The following CACNB2 variants were observed in gnomAD, a reference collection of about 807,000 sequenced individuals.
CACNB2 encodes voltage-dependent L-type calcium channel subunit beta-2.
In CACNB2, 42 loss-of-function variants were observed where a neutral mutation model predicts 73.3. The ratio of observed to expected loss-of-function variants is 0.57; its 90% CI spans 0.45 to 0.74. The LOEUF is 0.74. Among genes scored for constraint, CACNB2 ranks in the 30% least tolerant of loss-of-function variants. CACNB2 has a pLI of 0.00. For missense variants in CACNB2, 940 were observed against 853.0 expected, an observed-to-expected ratio of 1.10 and a Z score of -1.27; for synonymous variants, 348 against 310.3, an observed-to-expected ratio of 1.12 and a Z score of -1.28.
At chr10:18,376,188 A>G (rs1488393257) in intron 2 of CACNB2, among the ~76,000 whole-genome samples, 2 of 152,222 alleles carry the variant, frequency 1.3e-5, no homozygotes, top group African/African-American at 4.8e-5. Flanking sequence ...TGTCCTTTGC[A>G]GCAATATGGA....
rs926112057 is a variant in CACNB2, at chr10:18,430,460, TA to T, written c.333+28429del. ...CACTACATAGGGAGACCCTGTCTCT[TA>T]AAAAAAAAAAATTAATTAATTAACT... is the stretch of plus-strand genomic sequence containing the variant. On this transcript the variant is annotated intron_variant, in intron 3 of 13. Coordinates refer to ENST00000324631, the MANE Select transcript of CACNB2 (RefSeq NM_201596.3). 2.2e-3 allele frequency among the ~76,000 whole-genome samples: 320 copies of T among 147,058 alleles called. 2 individuals are homozygous for T. Among genetic ancestry groups the T allele is most frequent in the Middle Eastern group, 0.011 (3 of 278 alleles).
intron 2 of CACNB2, among the ~76,000 whole-genome samples, chr10:18,398,714 C>CACAA (rs1219813051): frequency 1.1e-4 from 17 of 149,010 alleles, no homozygotes; most frequent in Non-Finnish European, 2.1e-4. Flanking sequence ...CACACACACA[C>CACAA]AATTGTTTTT....
chr10:18,449,212 G>A (rs994804082), intron 3 of CACNB2, among the ~76,000 whole-genome samples: 37 of 151,980 alleles, frequency 2.4e-4, no homozygotes, highest in African/African-American at 8.5e-4. Context: ...GTGAAACCCC[G>A]TCTCTACTAA....
intron 2 of CACNB2, among the ~76,000 whole-genome samples, chr10:18,154,681 T>C (rs1257502791): frequency 6.6e-6 from 1 of 152,182 alleles, no homozygotes; most frequent in Non-Finnish European, 1.5e-5. Flanking sequence ...TTGGCCAGGC[T>C]GGTCTCAAAC....
At chr10:18,178,955 G>T (rs566884686) in intron 2 of CACNB2, among the ~76,000 whole-genome samples, 2 of 152,170 alleles carry the variant, frequency 1.3e-5, no homozygotes, top group Non-Finnish European at 2.9e-5. Context: ...TAGAGCAGAA[G>T]TTGGGTCTAT....
intron 3 of CACNB2, among the ~76,000 whole-genome samples, chr10:18,490,834 A>T (rs887179767): frequency 8.1e-6 from 1 of 123,494 alleles, no homozygotes; most frequent in Non-Finnish European, 1.6e-5. Context: ...CCTTTCTGAT[A>T]AACCCGGGCC....
intron 2 of CACNB2, among the ~76,000 whole-genome samples, chr10:18,263,893 T>C (rs1488571369): frequency 6.6e-6 from 1 of 152,254 alleles, no homozygotes; most frequent in Non-Finnish European, 1.5e-5. Context: ...GACATTATTA[T>C]TGATGTTCAA....
At position 18,523,115 on chromosome 10, in the gene CACNB2, C is replaced by T. The variant is rs191938438; in HGVS notation, c.944+4147C>T. On this transcript the variant is annotated intron_variant, in intron 9 of 13. Coordinates refer to ENST00000324631, the MANE Select transcript of CACNB2 (RefSeq NM_201596.3). ...TTTAGCTTGGACCAAGGCTACTAGG[C>T]ACTGGCCAAGTATAAAAGGCATAGC... 1.8e-3 allele frequency among the ~76,000 whole-genome samples: 275 copies of T among 152,150 alleles called. 2 individuals are homozygous for T. The highest frequency in any genetic ancestry group is 3.4e-3 in the Admixed American group (52 of 15,276).
intron 3 of CACNB2, among the ~76,000 whole-genome samples, chr10:18,416,551 G>A (rs2044976987): frequency 6.6e-6 from 1 of 152,166 alleles, no homozygotes; most frequent in South Asian, 2.1e-4. Flanking sequence ...TGAGTAGCTG[G>A]GACTACAGGT....
rs76977423 is a variant in CACNB2 at position 18,185,948 on chromosome 10, G to A, written c.213+34973G>A. ...TGATTGGTGGTTTGAGGAAGTCATC[G>A]TAAGGTGATAAAGAATGGCTGGTGG... On this transcript the variant is annotated intron_variant, in intron 2 of 13. Coordinates refer to ENST00000324631, the MANE Select transcript of CACNB2 (RefSeq NM_201596.3). 1.6e-3 allele frequency among the ~76,000 whole-genome samples: 241 copies of A among 152,232 alleles called. 1 individual carries two copies. Among genetic ancestry groups the A allele is most frequent in the African/African-American group, 5.3e-3 (220 of 41,550 alleles).
intron 2 of CACNB2, among the ~76,000 whole-genome samples, chr10:18,289,498 G>C (rs921460073): frequency 2.0e-5 from 3 of 151,872 alleles, no homozygotes; most frequent in African/African-American, 4.8e-5. Context: ...GTTTCACCCA[G>C]TTAGCCAGGA....
chr10:18,521,973 T>C (rs1277846369), intron 9 of CACNB2, among the ~76,000 whole-genome samples: 1 of 151,738 alleles, frequency 6.6e-6, no homozygotes, highest in Non-Finnish European at 1.5e-5. Flanking sequence ...GGCAGGGGAG[T>C]GTGCAAAGCT....
chr10:18,503,884 G>A (rs1301689043), intron 5 of CACNB2, among the ~76,000 whole-genome samples: 1 of 152,104 alleles, frequency 6.6e-6, no homozygotes, highest in Admixed American at 6.5e-5. Context: ...ATCTCTGGTG[G>A]AATGGGAATT....
intron 2 of CACNB2, among the ~76,000 whole-genome samples, chr10:18,244,050 C>G (rs926794518): frequency 6.6e-6 from 1 of 152,166 alleles, no homozygotes; most frequent in African/African-American, 2.4e-5. Context: ...CTGGGGAGAA[C>G]TAATAATGCA....
intron 2 of CACNB2, among the ~76,000 whole-genome samples, chr10:18,304,374 C>T (rs2039646733): frequency 6.6e-6 from 1 of 152,098 alleles, no homozygotes; most frequent in South Asian, 2.1e-4. Context: ...GTTTATACCA[C>T]CTAAGAGTTG....
At chr10:18,313,531 G>T (rs113663029) in intron 2 of CACNB2, among the ~76,000 whole-genome samples, 1 of 151,844 alleles carries the variant, frequency 6.6e-6, no homozygotes, top group African/African-American at 2.4e-5. Context: ...TCTGAACTCA[G>T]TTCCTATCTT....
intron 6 of CACNB2, chr10:18,513,121 T>G (rs2050931147): frequency 6.5e-6 from 1 of 154,884 alleles, no homozygotes; most frequent in Non-Finnish European, 1.4e-5. Flanking sequence ...TTTTTTTTTT[T>G]GGTGCAAGTT....
At chr10:18,220,233 A>AG (rs1564353966) in intron 2 of CACNB2, among the ~76,000 whole-genome samples, 1 of 27,096 alleles carries the variant, frequency 3.7e-5, no homozygotes, top group African/African-American at 2.1e-4. Context: ...ATATATATAT[A>AG]GAGAGAGAGA....
chr10:18,187,406 A>G (rs2034202159), intron 2 of CACNB2, among the ~76,000 whole-genome samples: 1 of 152,204 alleles, frequency 6.6e-6, no homozygotes, highest in Non-Finnish European at 1.5e-5. Context: ...AGATTTTGCT[A>G]AGATAAGCTA....
Sources: gnomAD v4.1 joint callset for allele counts (sites outside exome capture counted in the v4.1 genomes callset) on GRCh38, gnomAD v4.1.1 for gene constraint, MANE v1.5 for transcripts, NCBI Gene and HGNC (gene_info 2026-07-23, HGNC 2026-07-21) for gene names.